VPS33A: variants seen among roughly 807,000 people sequenced by gnomAD.
VPS33A encodes the protein vacuolar protein sorting-associated protein 33A.
In VPS33A, 32 loss-of-function variants were observed where a neutral mutation model predicts 71.8. That is an observed-to-expected ratio of 0.45 (90% CI 0.34 to 0.60). VPS33A has a LOEUF of 0.60. Among genes scored for constraint, VPS33A ranks in the 20% least tolerant of loss-of-function variants. The pLI is 0.02. For missense variants in VPS33A, 625 were observed against 748.5 expected (o/e 0.84, Z 1.92); for synonymous variants, 311 against 292.7 (o/e 1.06, Z -0.64).
intron 11 of VPS33A, among the ~76,000 whole-genome samples, chr12:122,234,913 C>A (rs1484473073): frequency 6.6e-6 from 1 of 152,168 alleles, no homozygotes; most frequent in Non-Finnish European, 1.5e-5. Flanking sequence ...GTTTCTAGAA[C>A]ACCCCCCTCT....
intron 9 of VPS33A, among the ~76,000 whole-genome samples, chr12:122,239,075 T>C (rs1012647291): frequency 1.3e-5 from 2 of 151,990 alleles, no homozygotes; most frequent in African/African-American, 4.8e-5. Context: ...AGAATACAAT[T>C]GGTCACTCCA....
chr12:122,238,288 T>C (rs895408479), intron 10 of VPS33A, among the ~76,000 whole-genome samples: 1 of 152,232 alleles, frequency 6.6e-6, no homozygotes, highest in Admixed American at 6.5e-5. Context: ...GGGCATGATC[T>C]TGACACACTG....
rs143327360 is a variant in VPS33A, at chr12:122,242,431, G to A, written c.1047C>T (p.Gly349=). The change falls in exon 8 of 13, where the codon GGC becomes GGT. Residue 349 remains glycine, a synonymous_variant. Transcript: ENST00000267199. ...CAATTGAGGTATGGTTTGCAAGCGA[G>A]CCCCTTGCTGCCTGCATGTGGGGCA... The part of the protein sequence containing the change: ...SQLPHMQAAR[G]SLANHTSIAE... 9.8e-3 allele frequency: 15,870 copies of A among 1,614,084 alleles called. 242 individuals are homozygous for A. Among genetic ancestry groups the A allele is most frequent in the South Asian group, 0.055 (5,014 of 91,060 alleles).
chr12:122,247,882 T>A (rs921994284), intron 6 of VPS33A, among the ~76,000 whole-genome samples: 1 of 152,138 alleles, frequency 6.6e-6, no homozygotes, highest in African/African-American at 2.4e-5. Context: ...TTTAAATATT[T>A]AAAAAAATTT....
chr12:122,238,974 A>ACACACACACC (rs1954670121), intron 9 of VPS33A, among the ~76,000 whole-genome samples: 9 of 138,494 alleles, frequency 6.5e-5, no homozygotes, highest in Non-Finnish European at 1.4e-4. Flanking sequence ...ACACACACAC[A>ACACACACACC]CCCCACACAC....
intron 4 of VPS33A, among the ~76,000 whole-genome samples, chr12:122,261,000 C>A (rs1369443934): frequency 6.6e-6 from 1 of 152,084 alleles, no homozygotes. Flanking sequence ...AACAAAAAAA[C>A]AAAGTTAAAA....
chr12:122,262,629 T>C (rs901460064), intron 3 of VPS33A, among the ~76,000 whole-genome samples: 3 of 143,740 alleles, frequency 2.1e-5, no homozygotes, highest in Non-Finnish European at 4.5e-5. Flanking sequence ...GCTTATGAAA[T>C]TCAAGTACAT....
At chr12:122,239,778 AAGGC>A in intron 9 of VPS33A, 96 bp downstream of exon 9, 1 of 596,982 alleles carries the variant, frequency 1.7e-6, no homozygotes, top group Admixed American at 3.2e-5. Context: ...AAAAAAAAAA[AAGGC>A]AAGGCATGGG....
chr12:122,230,787 C>G lies in VPS33A; in HGVS notation c.*1459G>C, dbSNP rs1028995410. ...CTTGGTGCCTTAACTCCTCCAGAAG[C>G]TAAGATGGAGGAGCAGAGGGGCAGA... On this transcript the variant is annotated 3_prime_UTR_variant, in exon 13 of 13. Transcript: ENST00000267199. 15 of 152,240 alleles carry G rather than the reference C, an allele frequency of 9.9e-5. No individual in the cohort carries two copies. The highest frequency in any genetic ancestry group is 3.4e-4 in the African/African-American group (14 of 41,552). The allele number at this position is 152,240 out of a possible 1,614,324, so 9.4% of individuals were successfully genotyped here. A position where few individuals can be genotyped will look rare whatever the true frequency, so the allele number is the denominator to read the frequency against.
rs553739291 is a variant in VPS33A, at chr12:122,251,074, G to A, written c.509C>T (p.Thr170Met). ...FKECYLEGDQTSLYHAAKGLM... is the reference protein window; with the variant it reads ...FKECYLEGDQMSLYHAAKGLM... ...CCCCTTGGCTGCGTGGTACAGGCTC[G>A]TCTGGTCACCCTCCAGGTAGCACTC... The change falls in exon 5 of 13, where the codon ACG (threonine) becomes ATG (methionine). Residue 170 changes from threonine to methionine, a missense_variant. Transcript: ENST00000267199. 55 of 1,613,514 alleles carry A rather than the reference G, an allele frequency of 3.4e-5. No individual in the cohort carries two copies. Among genetic ancestry groups the A allele is most frequent in the Non-Finnish European group, 4.0e-5 (47 of 1,179,766 alleles).
intron 4 of VPS33A, among the ~76,000 whole-genome samples, chr12:122,260,040 C>T (rs1391094353): frequency 1.3e-5 from 2 of 151,868 alleles, no homozygotes; most frequent in South Asian, 2.1e-4. Flanking sequence ...GAGACTCTAT[C>T]TCAAAAAAAG....
chr12:122,238,769 A>ATT (rs1491158107), intron 9 of VPS33A, 45 bp from the exon 10 acceptor site: 15 of 1,339,528 alleles, frequency 1.1e-5, no homozygotes, highest in East Asian at 2.4e-5. Flanking sequence ...TTACATATAC[A>ATT]TACACACACA....
chr12:122,239,021 A>ACACC (rs1566039497), intron 9 of VPS33A, among the ~76,000 whole-genome samples: 1 of 137,516 alleles, frequency 7.3e-6, no homozygotes, highest in African/African-American at 3.1e-5. Flanking sequence ...ACACACACAC[A>ACACC]CCCCCCAGTG....
rs1200176681 is a variant in VPS33A, at chr12:122,242,476, G to C, written c.1002C>G (p.Ile334Met). 1.9e-6 allele frequency: 3 copies of C among 1,613,972 alleles called. No homozygotes were observed. The highest frequency in any genetic ancestry group is 2.5e-6 in the Non-Finnish European group (3 of 1,179,966). The change falls in exon 8 of 13, where the codon ATC becomes ATG. Residue 334 changes from isoleucine (I) to methionine (M), a missense_variant. Ile to Met is a conservative substitution (Grantham distance 10, BLOSUM62 1). Coordinates refer to ENST00000267199, the MANE Select transcript of VPS33A (RefSeq NM_022916.6). ...ERHNAKTVGE[I>M]KQFVSQLPHM... ...GGGGCAACTGGGAAACAAACTGCTT[G>C]ATCTCCCCCACGGTCTTAGCATTGT...
Position 122,231,289 on chromosome 12 carries a change from G to A in VPS33A, c.*957C>T, listed in dbSNP as rs1954556845. On this transcript the variant is annotated 3_prime_UTR_variant, in exon 13 of 13. Transcript: ENST00000267199. ...AGCCCCTGATAAGTATGGAACCTAA[G>A]GAGATGTAGCTGATCACATAGAGCA... 1.3e-5 allele frequency: 2 copies of A among 152,202 alleles called. No individual in the cohort carries two copies. Among genetic ancestry groups the A allele is most frequent in the African/African-American group, 4.8e-5 (2 of 41,448 alleles). The allele number at this position is 152,202 out of a possible 1,614,324, so 9.4% of individuals were successfully genotyped here.
chr12:122,231,065 A>C lies in VPS33A; in HGVS notation c.*1181T>G, dbSNP rs1295654203. On this transcript the variant is annotated 3_prime_UTR_variant, in exon 13 of 13. Transcript: ENST00000267199. The stretch of plus-strand genomic sequence containing the variant: ...GAAGTGGCCAGATGCTGAAGAAGCA[A>C]GAGTTGCCCCTGCTCACTGTGGGAC... 1 of 152,324 alleles carries C rather than the reference A, an allele frequency of 6.6e-6. No homozygotes were observed. The highest frequency in any genetic ancestry group is 1.9e-4 in the East Asian group (1 of 5,208). The allele number at this position is 152,324 out of a possible 1,614,324, so 9.4% of individuals were successfully genotyped here. A position where few individuals can be genotyped will look rare whatever the true frequency, so the allele number is the denominator to read the frequency against.
intron 7 of VPS33A, 119 bp downstream of exon 7, chr12:122,244,450 G>A: frequency 1.2e-6 from 1 of 866,008 alleles, no homozygotes; most frequent in South Asian, 2.5e-5. Context: ...CTGAAGATGA[G>A]AAAAGTTGCA....
In VPS33A at chr12:122,239,468, A is replaced by G. The variant is rs138439395; in HGVS notation, c.1164+410T>C. Reference sequence around the variant, plus strand: ...AATATTTAAGTGGCCGGGCGCAGTGACTCACGCCTGTAATCCCAACAGTTT... The same window carrying G: ...AATATTTAAGTGGCCGGGCGCAGTGGCTCACGCCTGTAATCCCAACAGTTT... On this transcript the variant is annotated intron_variant, in intron 9 of 12. Transcript: ENST00000267199. Among the ~76,000 whole-genome samples, 205 of 152,188 alleles carry G rather than the reference A, an allele frequency of 1.3e-3. 1 individual carries two copies. The highest frequency in any genetic ancestry group is 5.6e-3 in the South Asian group (27 of 4,822).
chr12:122,245,443 G>GT (rs757738399), intron 6 of VPS33A, among the ~76,000 whole-genome samples: 5,254 of 133,138 alleles, frequency 0.039, 127 homozygotes, highest in South Asian at 0.074. Context: ...TTCACGTTCT[G>GT]TTTTTTTTTT....
Sources: allele counts gnomAD v4.1 joint callset (sites outside exome capture counted in the v4.1 genomes callset), GRCh38; gene constraint gnomAD v4.1.1; transcripts MANE v1.5; gene names NCBI Gene and HGNC (gene_info 2026-07-23, HGNC 2026-07-21).